Variants in ZBTB7B observed in about 807,000 individuals in gnomAD.
ZBTB7B encodes zinc finger and BTB domain-containing protein 7B.
A neutral mutation model predicts 31.0 loss-of-function variants in ZBTB7B; 8 were observed. That is an observed-to-expected ratio of 0.26 (90% CI 0.15 to 0.47). ZBTB7B has a LOEUF of 0.47. Ranked by LOEUF, ZBTB7B falls within the 20% of genes least tolerant of loss-of-function variation. The probability of loss-of-function intolerance (pLI) is 0.99; values close to 1 mark genes in which losing one functional copy is unlikely to be tolerated. For missense variants in ZBTB7B, 494 were observed against 742.4 expected (o/e 0.67, Z 3.89); for synonymous variants, 261 against 307.3 (o/e 0.85, Z 1.58).
At chr1:155,008,334 GCCCAGCCCCTGAGGGC>G (rs1250200862) in intron 1 of ZBTB7B, among the ~76,000 whole-genome samples, 1 of 152,188 alleles carries the variant, frequency 6.6e-6, no homozygotes, top group Non-Finnish European at 1.5e-5. Flanking sequence ...GTGCCGCCTT[GCCCAGCCCCTGAGGGC>G]CCCAGCCCAG....
chr1:155,015,435 G>A lies in ZBTB7B; in HGVS notation c.775G>A (p.Gly259Arg), dbSNP rs200937964. ...GGGGGACAGCTACAGCCCTCCCACA[G>A]GAACTGCCTCCCCTCCTGAGGGTCC... The part of the protein sequence containing the change: ...GPGDSYSPPT[G>R]TASPPEGPQS... Residue 259 changes from glycine (G) to arginine (R), a missense_variant, in exon 2 of 3, where the codon GGA becomes AGA. Physicochemically the swap from Gly to Arg is moderately radical, Grantham distance 125. Coordinates refer to ENST00000535420, the MANE Select transcript of ZBTB7B (RefSeq NM_001256455.2). 100 of 1,575,408 alleles carry A rather than the reference G, an allele frequency of 6.3e-5. No individual in the cohort carries two copies. The highest frequency in any genetic ancestry group is 3.8e-4 in the Admixed American group (21 of 55,846).
chr1:155,013,447 C>G (rs1057449999), intron 1 of ZBTB7B, among the ~76,000 whole-genome samples: 2 of 152,228 alleles, frequency 1.3e-5, no homozygotes, highest in South Asian at 4.1e-4. Flanking sequence ...AATGGAAGCA[C>G]AGAGAGAAAT....
intron 1 of ZBTB7B, chr1:155,014,357 G>C (rs1659206384): frequency 6.3e-6 from 2 of 315,880 alleles, no homozygotes. Flanking sequence ...CTGCCACAGA[G>C]GCAGAGTAGA....
intron 1 of ZBTB7B, 114 bp from the exon 2 acceptor site, chr1:155,014,541 G>A: frequency 1.1e-6 from 1 of 899,610 alleles, no homozygotes; most frequent in Non-Finnish European, 1.7e-6. Flanking sequence ...AAAGTACTCA[G>A]AAGGGTGACT....
At chr1:155,002,771 G>C (rs1204840383), upstream of ZBTB7B, 2 of 154,258 alleles carry the variant, frequency 1.3e-5, no homozygotes, top group African/African-American at 4.8e-5. Flanking sequence ...GCGGCAGGAG[G>C]AGGCAGAGGG....
chr1:155,014,310 G>T, intron 1 of ZBTB7B: 1 of 233,364 alleles, frequency 4.3e-6, no homozygotes, highest in Non-Finnish European at 8.3e-6. Context: ...TGACATAGAT[G>T]GACCTCCATG....
rs1658454034 is a variant in ZBTB7B, at chr1:155,004,720, ATC to A, written c.-7+1781_-7+1782del. ...GGAGCAGCTGATGAAACAAGGAGAA[ATC>A]TCTGTCAGTGCCTCTGTCCCTGGCC... On this transcript the variant is annotated intron_variant, in intron 1 of 2. Transcript: ENST00000535420. This position sits in a 1 kb window ranked among gnomAD's most constrained non-coding sequence, Gnocchi z 4.0. 6.6e-6 allele frequency among the ~76,000 whole-genome samples: 1 copy of A among 151,892 alleles called. No individual in the cohort carries two copies. The highest frequency in any genetic ancestry group is 1.5e-5 in the Non-Finnish European group (1 of 67,898).
Position 155,004,595 on chromosome 1 carries a change from T to A in ZBTB7B, c.-7+1652T>A, listed in dbSNP as rs544272322. Among the ~76,000 whole-genome samples the A allele has an allele frequency of 5.3e-5, 8 of 152,002 alleles. No homozygotes were observed. Among genetic ancestry groups the A allele is most frequent in the Non-Finnish European group, 1.2e-4 (8 of 67,960 alleles). On this transcript the variant is annotated intron_variant, in intron 1 of 2. Transcript: ENST00000535420. This position sits in a 1 kb window ranked among gnomAD's most constrained non-coding sequence, Gnocchi z 4.0. ...GAGGAGAGAGTGGGCATAAGGAGTG[T>A]TGTGCTGCGCTAGAGAGGGACATAT...
chr1:155,009,114 A>G (rs1197151104), intron 1 of ZBTB7B, among the ~76,000 whole-genome samples: 2 of 152,204 alleles, frequency 1.3e-5, no homozygotes, highest in Non-Finnish European at 2.9e-5. Context: ...AAGAGAGTTT[A>G]GGGAACTGAG....
intron 1 of ZBTB7B, among the ~76,000 whole-genome samples, chr1:155,013,662 G>C (rs924197221): frequency 2.0e-5 from 3 of 152,018 alleles, no homozygotes; most frequent in African/African-American, 7.2e-5. Flanking sequence ...CTGGAGACGG[G>C]GCTCTCCTGG....
At position 155,004,137 on chromosome 1, in the gene ZBTB7B, A is replaced by C. The variant is rs2102268875; in HGVS notation, c.-7+1194A>C. ...GAGGCGCCGGTGCTAGCTGACCCAC[A>C]GGAAACGAGCGCTGCTGACCTAGTT... On this transcript the variant is annotated intron_variant, in intron 1 of 2. Coordinates refer to ENST00000535420, the MANE Select transcript of ZBTB7B (RefSeq NM_001256455.2). The surrounding 1 kb of genome is among the most constrained non-coding windows in gnomAD (Gnocchi z 4.0). Among the ~76,000 whole-genome samples, 1 of 152,328 alleles carries C rather than the reference A, an allele frequency of 6.6e-6. No homozygotes were observed. The highest frequency in any genetic ancestry group is 1.9e-4 in the East Asian group (1 of 5,180).
Position 155,016,075 on chromosome 1 carries a change from T to A in ZBTB7B, c.1155-145T>A. On this transcript the variant is annotated intron_variant, in intron 2 of 2. Coordinates refer to ENST00000535420, the MANE Select transcript of ZBTB7B (RefSeq NM_001256455.2). The surrounding 1 kb of genome is among the most constrained non-coding windows in gnomAD (Gnocchi z 4.3). Reference sequence around the variant, plus strand: ...TGACAAGGCCTAGTTAAGCTAGAGGTGAGCTAGCAGGGTATCTCCTGGGGC... The same window carrying A: ...TGACAAGGCCTAGTTAAGCTAGAGGAGAGCTAGCAGGGTATCTCCTGGGGC... The A allele has an allele frequency of 1.1e-6, 1 of 941,634 alleles. No homozygotes were observed. Among genetic ancestry groups the A allele is most frequent in the Non-Finnish European group, 1.6e-6 (1 of 631,888 alleles). The allele number at this position is 941,634 out of a possible 1,614,324, so 58.3% of individuals were successfully genotyped here.
At chr1:155,014,236 C>T (rs766415362) in intron 1 of ZBTB7B, 53 of 292,960 alleles carry the variant, frequency 1.8e-4, no homozygotes, top group Non-Finnish European at 2.4e-4. Flanking sequence ...AAGCCTGAAC[C>T]GGGACCCAGG....
chr1:155,013,932 CT>C, intron 1 of ZBTB7B: 1 of 698,292 alleles, frequency 1.4e-6, no homozygotes, highest in Non-Finnish European at 1.8e-6. Flanking sequence ...GGGAGATGAA[CT>C]TTTGGTAGCC....
rs1207513409 is a variant in ZBTB7B, at chr1:155,016,192, C to T, written c.1155-28C>T. 6.2e-7 allele frequency: 1 copy of T among 1,602,976 alleles called. No homozygotes were observed. The highest frequency in any genetic ancestry group is 1.3e-5 in the African/African-American group (1 of 74,706). On this transcript the variant is annotated intron_variant, in intron 2 of 2. Coordinates refer to ENST00000535420, the MANE Select transcript of ZBTB7B (RefSeq NM_001256455.2). This position sits in a 1 kb window ranked among gnomAD's most constrained non-coding sequence, Gnocchi z 4.3. ...GCCAGGGATCCCATCCTGAACACCTCCCTGCCCCTCACCCCTGCCTGTGCC... is the reference window on the plus strand; with the variant it reads ...GCCAGGGATCCCATCCTGAACACCTTCCTGCCCCTCACCCCTGCCTGTGCC...
chr1:155,015,226 C>G lies in ZBTB7B; in HGVS notation c.566C>G (p.Pro189Arg). 6.2e-7 allele frequency: 1 copy of G among 1,613,838 alleles called. No homozygotes were observed. Among genetic ancestry groups the G allele is most frequent in the Non-Finnish European group, 8.5e-7 (1 of 1,180,016 alleles). ...DSPPQVPLPPPPPPPPRPVAR... is the reference protein window; with the variant it reads ...DSPPQVPLPPRPPPPPRPVAR... ...CCTCCACAGGTGCCCCTCCCACCACCTCCGCCACCGCCACCTCGGCCTGTT... is the reference window on the plus strand; with the variant it reads ...CCTCCACAGGTGCCCCTCCCACCACGTCCGCCACCGCCACCTCGGCCTGTT... Residue 189 changes from proline (P) to arginine (R), a missense_variant, in exon 2 of 3, where the codon CCT (proline) becomes CGT (arginine). Physicochemically the swap from Pro to Arg is moderately radical, Grantham distance 103. This residue lies in a region of ZBTB7B where 216 missense variants were observed against 229.3 expected (regional missense o/e 0.94). Transcript: ENST00000535420.
rs750011337 is a variant in ZBTB7B at position 155,016,684 on chromosome 1, A to G, written c.1619A>G (p.Ter540=). Residue 540 remains the stop codon, a stop_retained_variant, in exon 3 of 3, where the codon TAA becomes TGA. Transcript: ENST00000535420. The surrounding 1 kb of genome is among the most constrained non-coding windows in gnomAD (Gnocchi z 4.3). The stretch of plus-strand genomic sequence containing the variant: ...GCTGAAGGTGCCATGGAGTCCTCTT[A>G]AAGAGGGACGAGGGCCAGACTGAAG... ...PQAEGAMESS[*] The G allele has an allele frequency of 6.6e-6, 10 of 1,505,938 alleles. No homozygotes were observed. The highest frequency in any genetic ancestry group is 8.9e-6 in the Non-Finnish European group (10 of 1,117,514). 93.3% of individuals were successfully genotyped at this position (1,505,938 alleles called of 1,614,324 possible).
At position 155,015,603 on chromosome 1, in the gene ZBTB7B, A is replaced by G. The variant is rs2102313026; in HGVS notation, c.943A>G (p.Met315Val). 6.2e-7 allele frequency: 1 copy of G among 1,613,752 alleles called. No individual in the cohort carries two copies. The highest frequency in any genetic ancestry group is 2.2e-5 in the East Asian group (1 of 44,874). Residue 315 changes from methionine (M) to valine (V), a missense_variant, in exon 2 of 3, where the codon ATG becomes GTG. Physicochemically the swap from Met to Val is conservative, Grantham distance 21. This residue lies in a region of ZBTB7B where 216 missense variants were observed against 229.3 expected (regional missense o/e 0.94). Coordinates refer to ENST00000535420, the MANE Select transcript of ZBTB7B (RefSeq NM_001256455.2). ...TGAGGATGCCATCGATCCTGACCTG[A>G]TGGCCTACCTAAGCTCCCTGCACCA... ...SDEDAIDPDL[M>V]AYLSSLHQDN... is the part of the protein sequence containing the mutation.
At chr1:155,015,862 CAG>C in intron 2 of ZBTB7B, 48 bp downstream of exon 2, 2 of 1,579,680 alleles carry the variant, frequency 1.3e-6, no homozygotes, top group South Asian at 2.3e-5. Context: ...GGGTAGGGGA[CAG>C]GGTGGGAGGA....
Sources: gnomAD v4.1 joint callset for allele counts (sites outside exome capture counted in the v4.1 genomes callset) on GRCh38, gnomAD v4.1.1 for gene constraint, gnomAD v4.1.1 regional missense constraint, Gnocchi (gnomAD v3.1) non-coding constraint, MANE v1.5 for transcripts, NCBI Gene and HGNC (gene_info 2026-07-23, HGNC 2026-07-21) for gene names.